The following NEK1 variants were observed in gnomAD, a reference collection of about 807,000 sequenced individuals.
NEK1 encodes NIMA related kinase 1, also known as serine/threonine-protein kinase Nek1.
A neutral mutation model predicts 182.1 loss-of-function variants in NEK1; 137 were observed. The ratio of observed to expected loss-of-function variants is 0.75; its 90% CI spans 0.65 to 0.87. The LOEUF (loss-of-function observed/expected upper bound fraction) is 0.87, where lower values mean the gene tolerates loss of function less well. Among genes scored for constraint, NEK1 ranks in the 40% least tolerant of loss-of-function variants. The probability of loss-of-function intolerance (pLI) is 0.00; values close to 1 mark genes in which losing one functional copy is unlikely to be tolerated. For synonymous variants in NEK1, 513 were observed against 492.2 expected (o/e 1.04, Z -0.56); for missense variants, 1,391 against 1,494.4 (o/e 0.93, Z 1.14).
intron 2 of NEK1, among the ~76,000 whole-genome samples, chr4:169,610,075 T>TGGTG (rs1216553630): frequency 6.7e-6 from 1 of 149,894 alleles, no homozygotes; most frequent in Non-Finnish European, 1.5e-5. Context: ...TGGAATGCAA[T>TGGTG]GGTGCCATTT....
intron 18 of NEK1, among the ~76,000 whole-genome samples, chr4:169,549,714 C>T (rs1366710310): frequency 6.6e-6 from 1 of 151,704 alleles, no homozygotes; most frequent in Non-Finnish European, 1.5e-5. Context: ...TAAGCCACGA[C>T]ACCCGGTCTT....
chr4:169,587,715 C>A (rs1344705295), intron 8 of NEK1, 102 bp from the exon 9 acceptor site: 5 of 624,166 alleles, frequency 8.0e-6, no homozygotes, highest in African/African-American at 3.9e-5. Context: ...ATATGTGCTC[C>A]AGAAAAAATT....
intron 20 of NEK1, 28 bp downstream of exon 20, chr4:169,508,741 G>A: frequency 6.7e-7 from 1 of 1,496,206 alleles, no homozygotes; most frequent in African/African-American, 1.4e-5. Context: ...GCTATGTGAT[G>A]GAGGTAGCGA....
At chr4:169,597,366 C>G (rs74986829) in intron 5 of NEK1, among the ~76,000 whole-genome samples, 1 of 152,184 alleles carries the variant, frequency 6.6e-6, no homozygotes, top group South Asian at 2.1e-4. Flanking sequence ...ATAATCCCAG[C>G]ACTTTGAGAG....
At chr4:169,449,566 C>CT (rs973830679) in intron 27 of NEK1, among the ~76,000 whole-genome samples, 20 of 152,210 alleles carry the variant, frequency 1.3e-4, no homozygotes, top group African/African-American at 4.3e-4. Flanking sequence ...CCAGCAAACT[C>CT]TAACAGATCT....
At chr4:169,550,193 TGGTTTTATAAAGGA>T (rs1456844664) in intron 18 of NEK1, among the ~76,000 whole-genome samples, 1 of 151,816 alleles carries the variant, frequency 6.6e-6, no homozygotes, top group Non-Finnish European at 1.5e-5. Context: ...CGAGATCTGA[TGGTTTTATAAAGGA>T]GAGTTCCCCT....
chr4:169,490,278 C>T (rs966584755), intron 23 of NEK1, among the ~76,000 whole-genome samples: 127 of 152,274 alleles, frequency 8.3e-4, no homozygotes, highest in African/African-American at 3.0e-3. Flanking sequence ...CACCACCACC[C>T]ACAGAGCCAA....
chr4:169,454,473 G>C (rs978284908), intron 27 of NEK1, among the ~76,000 whole-genome samples: 5 of 152,000 alleles, frequency 3.3e-5, no homozygotes, highest in African/African-American at 1.2e-4. Context: ...AAGAACTTAA[G>C]CAAAGTTACA....
At chr4:169,512,830 C>T (rs1580363838) in intron 19 of NEK1, among the ~76,000 whole-genome samples, 1 of 152,050 alleles carries the variant, frequency 6.6e-6, no homozygotes, top group Non-Finnish European at 1.5e-5. Context: ...CAATTCCTCC[C>T]ACAATAATAT....
At chr4:169,488,492 G>A (rs937622121) in intron 23 of NEK1, among the ~76,000 whole-genome samples, 1 of 152,010 alleles carries the variant, frequency 6.6e-6, no homozygotes, top group Admixed American at 6.6e-5. Context: ...GTAGGTATGT[G>A]GTTTATTTCT....
intron 5 of NEK1, among the ~76,000 whole-genome samples, chr4:169,597,988 ATG>A (rs1769847486): frequency 6.6e-6 from 1 of 152,028 alleles, no homozygotes; most frequent in Non-Finnish European, 1.5e-5. Flanking sequence ...CCATTTCTGA[ATG>A]TGTGTGTCTT....
chr4:169,580,822 T>C lies in NEK1; in HGVS notation c.868+20A>G, dbSNP rs992277540. ...GATTATTGCAAACAGATGAAAGGCT[T>C]CATATCAGATTTCATTTACCTGGTA... On this transcript the variant is annotated intron_variant, in intron 11 of 35. Transcript: ENST00000507142. The C allele has an allele frequency of 4.2e-6, 6 of 1,440,406 alleles. No homozygotes were observed. In the Admixed American group the frequency reaches 9.9e-5, roughly 24 times the overall value. 89.2% of individuals were successfully genotyped at this position (1,440,406 alleles called of 1,614,324 possible). A position where few individuals can be genotyped will look rare whatever the true frequency, so the allele number is the denominator to read the frequency against.
chr4:169,606,980 G>C (rs1036185977), intron 2 of NEK1, among the ~76,000 whole-genome samples: 8 of 152,190 alleles, frequency 5.3e-5, no homozygotes, highest in Non-Finnish European at 1.2e-4. Flanking sequence ...CAGTCTTGCT[G>C]AGGAGAGAAA....
At chr4:169,466,770 C>T (rs1056111694) in intron 26 of NEK1, among the ~76,000 whole-genome samples, 2 of 151,858 alleles carry the variant, frequency 1.3e-5, no homozygotes, top group African/African-American at 4.8e-5. Flanking sequence ...GAAATGAAAA[C>T]TACATGGGTA....
chr4:169,437,731 A>T (rs1481339035), intron 28 of NEK1, among the ~76,000 whole-genome samples: 1 of 152,216 alleles, frequency 6.6e-6, no homozygotes, highest in Non-Finnish European at 1.5e-5. Context: ...CCAAGATAGC[A>T]GTGAAGCTTT....
intron 35 of NEK1, among the ~76,000 whole-genome samples, chr4:169,395,940 TG>T (rs1730609520): frequency 6.6e-6 from 1 of 152,230 alleles, no homozygotes; most frequent in South Asian, 2.1e-4. Flanking sequence ...ATCATGTTTG[TG>T]GGGCTTATCC....
At chr4:169,586,939 C>T (rs566049116) in intron 9 of NEK1, among the ~76,000 whole-genome samples, 256 of 152,008 alleles carry the variant, frequency 1.7e-3, no homozygotes, top group African/African-American at 4.6e-3. Context: ...TTTATATTTT[C>T]TGAAGTTTTG....
At chr4:169,398,522 C>T (rs938111929) in intron 35 of NEK1, among the ~76,000 whole-genome samples, 1 of 152,074 alleles carries the variant, frequency 6.6e-6, no homozygotes, top group Admixed American at 6.5e-5. Context: ...TACTGTGACT[C>T]ATGTAATTAA....
Position 169,609,563 on chromosome 4 carries a change from A to G in NEK1, c.-49+2457T>C, listed in dbSNP as rs559075141. Among the ~76,000 whole-genome samples the G allele has an allele frequency of 1.3e-3, 199 of 152,284 alleles. 1 individual carries two copies. The highest frequency in any genetic ancestry group is 4.4e-3 in the African/African-American group (184 of 41,560). On this transcript the variant is annotated intron_variant, in intron 2 of 35. Transcript: ENST00000507142. Reference sequence around the variant, plus strand: ...TCATTTGTTTAGTAAAAGGAAATACATAAGTATATATGCTTACAGTTACTC... The same window carrying G: ...TCATTTGTTTAGTAAAAGGAAATACGTAAGTATATATGCTTACAGTTACTC...
Sources: gnomAD v4.1 joint callset for allele counts (sites outside exome capture counted in the v4.1 genomes callset) on GRCh38, gnomAD v4.1.1 for gene constraint, MANE v1.5 for transcripts, NCBI Gene and HGNC (gene_info 2026-07-23, HGNC 2026-07-21) for gene names.